Variants in SPAG16 observed in about 807,000 individuals in gnomAD.
The protein encoded by SPAG16 is sperm associated antigen 16.
A neutral mutation model predicts 80.4 loss-of-function variants in SPAG16; 86 were observed. That is an observed-to-expected ratio of 1.07 (90% confidence interval 0.90 to 1.28). The LOEUF is 1.28. SPAG16 is among the 50% of genes most tolerant of loss of function. The probability of loss-of-function intolerance (pLI) is 0.00; values close to 1 mark genes in which losing one functional copy is unlikely to be tolerated. For synonymous variants in SPAG16, 294 were observed against 265.9 expected, an observed-to-expected ratio of 1.11 and a Z score of -1.03; for missense variants, 870 against 765.3, an observed-to-expected ratio of 1.14 and a Z score of -1.61.
At chr2:213,522,411 G>A (rs1214654834) in intron 10 of SPAG16, among the ~76,000 whole-genome samples, 3 of 152,210 alleles carry the variant, frequency 2.0e-5, no homozygotes. Flanking sequence ...CCTGTCAACA[G>A]CTATTTAAAA....
At chr2:213,327,586 ATGT>A (rs1018179145) in intron 5 of SPAG16, among the ~76,000 whole-genome samples, 1 of 152,148 alleles carries the variant, frequency 6.6e-6, no homozygotes, top group African/African-American at 2.4e-5. Context: ...TATTTTTAAC[ATGT>A]TGTGGGTTTA....
intron 10 of SPAG16, among the ~76,000 whole-genome samples, chr2:213,727,315 G>A (rs772103643): frequency 6.6e-6 from 1 of 152,098 alleles, no homozygotes; most frequent in Non-Finnish European, 1.5e-5. Context: ...GAAGAGACTG[G>A]CAGTTTTTTT....
chr2:213,380,484 T>A (rs1206674450), intron 9 of SPAG16, among the ~76,000 whole-genome samples: 2 of 152,176 alleles, frequency 1.3e-5, no homozygotes, highest in Middle Eastern at 3.2e-3. Flanking sequence ...TACTTGTGCC[T>A]TCGGGACCTG....
chr2:213,832,385 G>T (rs1005535045), intron 10 of SPAG16, among the ~76,000 whole-genome samples: 3 of 152,064 alleles, frequency 2.0e-5, no homozygotes, highest in Non-Finnish European at 4.4e-5. Context: ...ACATCAGAAG[G>T]CTTTGGAATC....
rs150594450 is a variant in SPAG16, at chr2:214,055,841, CAT to C, written c.1527+41765_1527+41766del. Among the ~76,000 whole-genome samples the C allele has an allele frequency of 6.9e-3, 1,054 of 152,182 alleles. 16 individuals are homozygous for C. The highest frequency in any genetic ancestry group is 0.024 in the African/African-American group (984 of 41,532). On this transcript the variant is annotated intron_variant, in intron 13 of 15. Transcript: ENST00000331683. ...TTTATACTACATAAAATTCTAAAAA[CAT>C]GTGAATGAGAAATTGAAGGGAAATA...
intron 12 of SPAG16, among the ~76,000 whole-genome samples, chr2:213,975,141 A>G (rs1575697985): frequency 6.6e-6 from 1 of 151,136 alleles, no homozygotes; most frequent in East Asian, 1.9e-4. Flanking sequence ...ATAGGTCTGT[A>G]ATAGATGTAG....
intron 11 of SPAG16, among the ~76,000 whole-genome samples, chr2:213,898,434 A>G (rs1310409989): frequency 6.6e-6 from 1 of 152,156 alleles, no homozygotes; most frequent in Non-Finnish European, 1.5e-5. Flanking sequence ...TATCTGATCT[A>G]TAGAGACATG....
intron 10 of SPAG16, among the ~76,000 whole-genome samples, chr2:213,763,547 T>G (rs750033055): frequency 1.3e-5 from 2 of 152,168 alleles, no homozygotes; most frequent in Admixed American, 1.3e-4. Context: ...TCAATTGGTG[T>G]AGAGTTTCAG....
At chr2:213,463,462 T>A (rs2072497283) in intron 9 of SPAG16, among the ~76,000 whole-genome samples, 1 of 152,236 alleles carries the variant, frequency 6.6e-6, no homozygotes, top group African/African-American at 2.4e-5. Context: ...CATGGTTTCA[T>A]TGACCGGGCC....
chr2:213,392,205 A>C (rs1030389784), intron 9 of SPAG16, among the ~76,000 whole-genome samples: 5 of 152,200 alleles, frequency 3.3e-5, no homozygotes, highest in African/African-American at 1.2e-4. Flanking sequence ...CCCTGGCATG[A>C]TAATGGCACA....
intron 15 of SPAG16, among the ~76,000 whole-genome samples, chr2:214,339,679 T>C (rs1487414373): frequency 1.3e-5 from 2 of 152,184 alleles, no homozygotes; most frequent in African/African-American, 2.4e-5. Flanking sequence ...AAAATAAACT[T>C]CTCAATATAA....
intron 10 of SPAG16, among the ~76,000 whole-genome samples, chr2:213,600,065 A>G (rs1330878296): frequency 6.6e-6 from 1 of 152,132 alleles, no homozygotes. Flanking sequence ...TAATCCCCAT[A>G]TTGTTCCAGG....
chr2:214,265,039 A>G (rs1482824506), intron 15 of SPAG16, among the ~76,000 whole-genome samples: 2 of 152,178 alleles, frequency 1.3e-5, no homozygotes, highest in Non-Finnish European at 2.9e-5. Flanking sequence ...ATTGAAGGAC[A>G]TCTTGGCTGC....
intron 12 of SPAG16, among the ~76,000 whole-genome samples, chr2:213,976,538 AACC>A (rs1490664247): frequency 1.3e-5 from 2 of 152,118 alleles, no homozygotes; most frequent in Non-Finnish European, 2.9e-5. Context: ...TAGGGATATT[AACC>A]TAGATTATAT....
chr2:213,833,531 T>TATTA (rs1559506315), intron 10 of SPAG16, among the ~76,000 whole-genome samples: 91 of 1,200 alleles, frequency 0.076, 23 homozygotes, highest in Non-Finnish European at 0.13. Context: ...AATATATATA[T>TATTA]TATATATAAT....
rs866718179 is a variant in SPAG16, at chr2:213,292,685, C to A, written c.137-3379C>A. On this transcript the variant is annotated intron_variant, in intron 1 of 15. Coordinates refer to ENST00000331683, the MANE Select transcript of SPAG16 (RefSeq NM_024532.5). ...TCTCAAAAAAAAAAAACAAAAAAAA[C>A]AAAAAAAAACAAAACTATCAGAAAG... 3.3e-3 allele frequency among the ~76,000 whole-genome samples: 305 copies of A among 91,520 alleles called. 22 individuals are homozygous for A. Among genetic ancestry groups the A allele is most frequent in the African/African-American group, 0.014 (290 of 20,032 alleles). 60.0% of individuals were successfully genotyped at this position (91,520 alleles called of 152,430 possible). A position where few individuals can be genotyped will look rare whatever the true frequency, so the allele number is the denominator to read the frequency against.
intron 10 of SPAG16, among the ~76,000 whole-genome samples, chr2:213,767,273 T>C (rs1048293863): frequency 3.3e-5 from 5 of 152,330 alleles, no homozygotes; most frequent in East Asian, 1.9e-4. Context: ...TATCACTGAA[T>C]ATTTAATACA....
chr2:213,661,251 A>G (rs780974285), intron 10 of SPAG16, among the ~76,000 whole-genome samples: 3 of 152,232 alleles, frequency 2.0e-5, no homozygotes, highest in Non-Finnish European at 2.9e-5. Context: ...CATAGACTTT[A>G]AAAGGAAGTA....
rs1236147543 is a variant in SPAG16, at chr2:213,284,482, A to C, written c.-2A>C. On this transcript the variant is annotated 5_prime_UTR_variant, in exon 1 of 16. Coordinates refer to ENST00000331683, the MANE Select transcript of SPAG16 (RefSeq NM_024532.5). ...TGGGGGTGGGGGCCCGAAGCGCCAG[A>C]GATGGCTGCTCAGCGAGGGATGCCC... 1 of 1,565,004 alleles carries C rather than the reference A, an allele frequency of 6.4e-7. No homozygotes were observed. The highest frequency in any genetic ancestry group is 1.2e-5 in the South Asian group (1 of 85,196).
Sources: allele counts gnomAD v4.1 joint callset (sites outside exome capture counted in the v4.1 genomes callset), GRCh38; gene constraint gnomAD v4.1.1; transcripts MANE v1.5; gene names NCBI Gene and HGNC (gene_info 2026-07-23, HGNC 2026-07-21).